FOXP2: variants seen among roughly 807,000 people sequenced by gnomAD.
FOXP2 encodes forkhead box P2, also known as forkhead box protein P2.
FOXP2 carries 12 observed loss-of-function variants against 115.8 expected under a neutral mutation model. The ratio of observed to expected loss-of-function variants is 0.10; its 90% CI spans 0.07 to 0.17. The LOEUF (loss-of-function observed/expected upper bound fraction) is 0.17, where lower values mean the gene tolerates loss of function less well. Among genes scored for constraint, FOXP2 ranks in the 10% least tolerant of loss-of-function variants. The pLI is 1.00. For missense variants in FOXP2, 629 were observed against 843.5 expected (o/e 0.75, Z 3.15); for synonymous variants, 328 against 297.7 (o/e 1.10, Z -1.05).
In FOXP2 at chr7:114,142,429, CA is replaced by C. The variant is rs368612644; in HGVS notation, c.-246-20507del. 1.6e-3 allele frequency among the ~76,000 whole-genome samples: 236 copies of C among 151,172 alleles called. 6 individuals carry two copies. The East Asian group carries it at 0.03, about 19-fold the overall frequency. On this transcript the variant is annotated intron_variant, in intron 1 of 19. Transcript: ENST00000635638. ...TCAATTTTCTTAATATTATAAATTC[CA>C]AAAAAAATTAGATCTTCAAAAATAT...
At chr7:114,509,958 C>T (rs754124291) in intron 2 of FOXP2, among the ~76,000 whole-genome samples, 33 of 151,694 alleles carry the variant, frequency 2.2e-4, no homozygotes, top group Non-Finnish European at 3.7e-4. Flanking sequence ...ACTTTGAGAT[C>T]GGGAGAGGTA....
At chr7:114,413,752 A>C (rs566704971), upstream of FOXP2, among the ~76,000 whole-genome samples, 9 of 152,276 alleles carry the variant, frequency 5.9e-5, no homozygotes, top group East Asian at 1.4e-3. Flanking sequence ...TCTTCTGTTT[A>C]GTATTTAAAT....
intron 1 of FOXP2, among the ~76,000 whole-genome samples, chr7:114,285,957 A>G (rs543790582): frequency 6.6e-6 from 1 of 152,000 alleles, no homozygotes; most frequent in Non-Finnish European, 1.5e-5. Context: ...AATTAATTTT[A>G]TGTCTTATCA....
At chr7:114,480,877 T>C (rs1038132399) in intron 2 of FOXP2, among the ~76,000 whole-genome samples, 7 of 151,170 alleles carry the variant, frequency 4.6e-5, no homozygotes, top group African/African-American at 1.5e-4. Flanking sequence ...TAAAGAATCA[T>C]TGTAGACATT....
intron 2 of FOXP2, 56 bp from the exon 3 acceptor site, chr7:114,534,561 A>T (rs879325457): frequency 3.8e-5 from 53 of 1,393,458 alleles, no homozygotes; most frequent in Non-Finnish European, 5.2e-5. Flanking sequence ...CCAAGAGATA[A>T]TTGATAACTT....
intron 3 of FOXP2, among the ~76,000 whole-genome samples, chr7:114,558,621 C>T (rs986091475): frequency 5.3e-5 from 8 of 152,142 alleles, no homozygotes; most frequent in Admixed American, 6.5e-5. Flanking sequence ...TTTATGATGT[C>T]TACTTCTTTA....
intron 16 of FOXP2, among the ~76,000 whole-genome samples, chr7:114,672,999 G>A (rs1270456882): frequency 6.6e-6 from 1 of 152,152 alleles, no homozygotes; most frequent in Non-Finnish European, 1.5e-5. Context: ...CAGAATGCAA[G>A]TTATTAAATG....
intron 3 of FOXP2, among the ~76,000 whole-genome samples, chr7:114,585,532 A>G (rs925497504): frequency 7.2e-5 from 11 of 151,828 alleles, no homozygotes; most frequent in Non-Finnish European, 2.9e-5. Flanking sequence ...ATTTATGCTC[A>G]TTAAAATTTA....
intron 2 of FOXP2, among the ~76,000 whole-genome samples, chr7:114,318,125 T>G (rs1018913192): frequency 2.6e-5 from 4 of 152,228 alleles, no homozygotes; most frequent in African/African-American, 9.6e-5. Context: ...ATTCTAATTT[T>G]TCTCATTTTC....
At chr7:114,318,735 A>G (rs989307401) in intron 2 of FOXP2, among the ~76,000 whole-genome samples, 2 of 151,638 alleles carry the variant, frequency 1.3e-5, no homozygotes, top group Non-Finnish European at 2.9e-5. Context: ...ATACACACAC[A>G]CGCACAGACA....
intron 3 of FOXP2, among the ~76,000 whole-genome samples, chr7:114,609,672 T>A (rs1803527357): frequency 6.6e-6 from 1 of 152,210 alleles, no homozygotes; most frequent in East Asian, 1.9e-4. Flanking sequence ...GAAAATTTCT[T>A]TAATGTGAAC....
chr7:114,162,594 A>G (rs945787822), upstream of FOXP2, among the ~76,000 whole-genome samples: 1 of 152,112 alleles, frequency 6.6e-6, no homozygotes, highest in African/African-American at 2.4e-5. Context: ...TCTCATACCT[A>G]ATCGTCTTTG....
intron 1 of FOXP2, among the ~76,000 whole-genome samples, chr7:114,255,721 T>C (rs1795593985): frequency 6.6e-6 from 1 of 152,106 alleles, no homozygotes; most frequent in Non-Finnish European, 1.5e-5. Flanking sequence ...AAAGGGAAAT[T>C]CCTGACCCTT....
At chr7:114,662,926 A>T (rs1403928652) in intron 14 of FOXP2, among the ~76,000 whole-genome samples, 4 of 152,126 alleles carry the variant, frequency 2.6e-5, no homozygotes, top group Non-Finnish European at 5.9e-5. Context: ...AATGTATTTT[A>T]TCTACTATTG....
At chr7:114,517,524 T>A (rs1798405524) in intron 2 of FOXP2, among the ~76,000 whole-genome samples, 1 of 152,192 alleles carries the variant, frequency 6.6e-6, no homozygotes, top group African/African-American at 2.4e-5. Flanking sequence ...TCGTTCTGCA[T>A]ATCCAGAAGA....
chr7:114,492,623 G>A (rs186526865), intron 2 of FOXP2, among the ~76,000 whole-genome samples: 26 of 152,036 alleles, frequency 1.7e-4, no homozygotes, highest in Admixed American at 1.5e-3. Flanking sequence ...CTTTGTTCTC[G>A]TTGGTGTCAA....
chr7:114,210,167 C>T (rs1366638965), intron 1 of FOXP2, among the ~76,000 whole-genome samples: 2 of 152,176 alleles, frequency 1.3e-5, no homozygotes, highest in Non-Finnish European at 2.9e-5. Flanking sequence ...ACTTCTGTGC[C>T]CCCTGCTGGA....
At chr7:114,677,112 G>C (rs1219267010) in intron 16 of FOXP2, among the ~76,000 whole-genome samples, 1 of 149,586 alleles carries the variant, frequency 6.7e-6, no homozygotes, top group Non-Finnish European at 1.5e-5. Context: ...GTTGCAGTGA[G>C]CCAAGATCAC....
intron 1 of FOXP2, among the ~76,000 whole-genome samples, chr7:114,259,306 C>T (rs185759553): frequency 1.3e-5 from 2 of 152,242 alleles, no homozygotes; most frequent in African/African-American, 2.4e-5. Context: ...AGTATGTTAA[C>T]GTTGTTTACA....
Sources: allele counts gnomAD v4.1 joint callset (sites outside exome capture counted in the v4.1 genomes callset), GRCh38; gene constraint gnomAD v4.1.1; transcripts MANE v1.5; gene names NCBI Gene and HGNC (gene_info 2026-07-23, HGNC 2026-07-21).